Variants in RDX observed in about 807,000 individuals in gnomAD.
RDX encodes deafness, autosomal recessive 24.
Under a neutral mutation model 83.7 loss-of-function variants are expected in RDX, and 32 were observed. The observed-to-expected ratio is 0.38, with a 90% CI of 0.29 to 0.51. The LOEUF (loss-of-function observed/expected upper bound fraction) is 0.51. RDX is among the 20% of genes least tolerant of loss of function. The pLI, the probability that RDX is intolerant of heterozygous loss-of-function variation, is 0.87. For missense variants in RDX, 600 were observed against 689.9 expected (o/e 0.87, Z 1.46); for synonymous variants, 229 against 222.7 (o/e 1.03, Z -0.25).
At chr11:110,216,797 T>C (rs898230440) in intron 14 of RDX, among the ~76,000 whole-genome samples, 2 of 152,152 alleles carry the variant, frequency 1.3e-5, no homozygotes, top group African/African-American at 2.4e-5. Context: ...GGATTACAGG[T>C]GTAAACCACT....
At chr11:110,226,272 C>T (rs1387822880), downstream of RDX, among the ~76,000 whole-genome samples, 1 of 152,102 alleles carries the variant, frequency 6.6e-6, no homozygotes, top group Non-Finnish European at 1.5e-5. Flanking sequence ...ATGGTATATG[C>T]ATACAATGGA....
intron 1 of RDX, among the ~76,000 whole-genome samples, chr11:110,282,640 T>C (rs927487409): frequency 6.6e-6 from 1 of 152,044 alleles, no homozygotes; most frequent in Non-Finnish European, 1.5e-5. Flanking sequence ...CTAAATGACA[T>C]AGGAAGATAT....
chr11:110,236,586 T>C (rs1864859464), intron 11 of RDX: 1 of 184,234 alleles, frequency 5.4e-6, no homozygotes, highest in Non-Finnish European at 1.1e-5. Flanking sequence ...ACCCCAATAA[T>C]CCTAACAGGT....
intron 15 of RDX, among the ~76,000 whole-genome samples, chr11:110,196,957 G>T (rs557122254): frequency 6.6e-6 from 1 of 152,112 alleles, no homozygotes; most frequent in African/African-American, 2.4e-5. Context: ...GGAGTGCAGG[G>T]GTGTGATCTT....
rs539964493 is a variant in RDX, at chr11:110,265,106, T to G, written c.97-232A>C. On this transcript the variant is annotated intron_variant, in intron 3 of 13. Coordinates refer to ENST00000645495, the MANE Select transcript of RDX (RefSeq NM_002906.4). Reference sequence around the variant, plus strand: ...TTTTTTTTGAAAAGAAGTTTTTTTTTTTGTTTTTTTTTTTTTTGTTCTTGT... The same window carrying G: ...TTTTTTTTGAAAAGAAGTTTTTTTTGTTGTTTTTTTTTTTTTTGTTCTTGT... Among the ~76,000 whole-genome samples, 8 of 86,018 alleles carry G rather than the reference T, an allele frequency of 9.3e-5. No individual in the cohort carries two copies. In the East Asian group the frequency reaches 2.7e-3, roughly 29 times the overall value. 56.4% of individuals were successfully genotyped at this position (86,018 alleles called of 152,430 possible).
intron 1 of RDX, among the ~76,000 whole-genome samples, chr11:110,283,182 C>T (rs779271504): frequency 3.5e-4 from 54 of 152,166 alleles, no homozygotes; most frequent in Non-Finnish European, 6.9e-4. Flanking sequence ...GAGATGGAGT[C>T]TCGCTCTGTC....
exon 15 of RDX, chr11:110,199,610 G>A (rs1335304606): frequency 2.8e-6 from 2 of 703,010 alleles, no homozygotes; most frequent in East Asian, 5.4e-5. Context: ...TCTTCCTAAG[G>A]GTTACATTTG....
In RDX at chr11:110,189,417, G is replaced by T. The variant is rs549680469; in HGVS notation, c.*31+10164C>A. ...AATACTTAGCCACACAATAATTGTG[G>T]GGTCCTTTAACACTCAACCAACGGC... is the stretch of plus-strand genomic sequence containing the variant. On this transcript the variant is annotated intron_variant, in intron 15 of 15. Transcript: ENST00000528498. Among the ~76,000 whole-genome samples, 135 of 152,044 alleles carry T rather than the reference G, an allele frequency of 8.9e-4. 1 individual carries two copies. The highest frequency in any genetic ancestry group is 1.4e-3 in the Non-Finnish European group (98 of 67,994).
In RDX at chr11:110,267,470, G is replaced by A. The variant is rs146072893; in HGVS notation, c.97-2596C>T. Reference sequence around the variant, plus strand: ...AGAGGCTGCAGTGAGCCGAGTTCGCGCCACTGCACTCCAGCCTGGGTGCCA... The same window carrying A: ...AGAGGCTGCAGTGAGCCGAGTTCGCACCACTGCACTCCAGCCTGGGTGCCA... On this transcript the variant is annotated intron_variant, in intron 3 of 13. Coordinates refer to ENST00000645495, the MANE Select transcript of RDX (RefSeq NM_002906.4). Among the ~76,000 whole-genome samples the A allele has an allele frequency of 3.9e-3, 592 of 151,338 alleles. 4 individuals carry two copies. The highest frequency in any genetic ancestry group is 0.018 in the East Asian group (90 of 5,068).
chr11:110,257,517 G>T (rs1398948232), intron 7 of RDX, among the ~76,000 whole-genome samples: 1 of 152,088 alleles, frequency 6.6e-6, no homozygotes, highest in Non-Finnish European at 1.5e-5. Context: ...AGAGCTAAAA[G>T]CAGCACAATT....
chr11:110,247,856 G>C, intron 9 of RDX, 23 bp from the exon 10 acceptor site: 1 of 1,543,224 alleles, frequency 6.5e-7, no homozygotes, highest in Non-Finnish European at 8.7e-7. Flanking sequence ...TGCAATTGCT[G>C]TTACAAATTA....
At chr11:110,220,076 T>C (rs768962446) in intron 14 of RDX, among the ~76,000 whole-genome samples, 4 of 152,210 alleles carry the variant, frequency 2.6e-5, no homozygotes, top group Non-Finnish European at 4.4e-5. Context: ...CTTAGGAGCA[T>C]GTCTTTCTTA....
chr11:110,222,768 C>A (rs1282023423), intron 14 of RDX, among the ~76,000 whole-genome samples: 1 of 152,026 alleles, frequency 6.6e-6, no homozygotes, highest in Non-Finnish European at 1.5e-5. Context: ...TGCACTCCAT[C>A]CAGCCTGGGC....
intron 14 of RDX, among the ~76,000 whole-genome samples, chr11:110,206,845 C>G (rs1863623777): frequency 6.6e-6 from 1 of 152,206 alleles, no homozygotes; most frequent in African/African-American, 2.4e-5. Flanking sequence ...TCTAAGGACA[C>G]TGAGTAAAAG....
rs967549467 is a variant in RDX, at chr11:110,257,883, A to G, written c.582T>C (p.Ile194=). 6.2e-7 allele frequency: 1 copy of G among 1,612,290 alleles called. No homozygotes were observed. The highest frequency in any genetic ancestry group is 1.1e-5 in the South Asian group (1 of 91,008). The change falls in exon 7 of 14, where the codon ATT becomes ATC. Residue 194 remains isoleucine, a synonymous_variant. Transcript: ENST00000645495. The part of the protein sequence containing the change: ...REDSMMEYLK[I]AQDLEMYGVN... ...CTCCATACATTTCTAGATCTTGTGC[A>G]ATCTTCAGGTATTCCATCATAGAAT...
intron 10 of RDX, 135 bp from the exon 11 acceptor site, chr11:110,237,787 C>G: frequency 3.0e-6 from 3 of 998,692 alleles, no homozygotes; most frequent in Non-Finnish European, 4.8e-6. Flanking sequence ...ACATATATAC[C>G]TCTTTGTTTT....
rs1859415163 is a variant in RDX at position 110,253,428 on chromosome 11, T to A, written c.959+518A>T. On this transcript the variant is annotated intron_variant, in intron 9 of 13. Transcript: ENST00000645495. ...CAGGGTTGATATAAATTTTATTCACTACCATTCAATTTTAAAAATTATCAA... is the reference window on the plus strand; with the variant it reads ...CAGGGTTGATATAAATTTTATTCACAACCATTCAATTTTAAAAATTATCAA... Among the ~76,000 whole-genome samples the A allele has an allele frequency of 2.0e-5, 3 of 152,318 alleles. No homozygotes were observed. In the South Asian group the frequency reaches 6.2e-4, roughly 32 times the overall value.
At chr11:110,280,212 T>C (rs1326626310) in intron 1 of RDX, among the ~76,000 whole-genome samples, 1 of 152,146 alleles carries the variant, frequency 6.6e-6, no homozygotes, top group East Asian at 1.9e-4. Context: ...TTCTGATTAA[T>C]GTAATCTACA....
rs1394631951 is a variant in RDX, at chr11:110,229,861, T to C, written c.*2008A>G. 1.3e-5 allele frequency: 2 copies of C among 152,510 alleles called. No individual in the cohort carries two copies. The highest frequency in any genetic ancestry group is 3.8e-4 in the East Asian group (2 of 5,208). The allele number at this position is 152,510 out of a possible 1,614,324, so 9.4% of individuals were successfully genotyped here. On this transcript the variant is annotated 3_prime_UTR_variant, in exon 14 of 14. Transcript: ENST00000645495. ...CAAAAATCCAATGAAAGTTCAGGTT[T>C]TTATCTATTATGCAATTGCTTTAAA...
Sources: gnomAD v4.1 joint callset for allele counts (sites outside exome capture counted in the v4.1 genomes callset) on GRCh38, gnomAD v4.1.1 for gene constraint, MANE v1.5 for transcripts, NCBI Gene and HGNC (gene_info 2026-07-23, HGNC 2026-07-21) for gene names.